The following SPOPL variants were observed in gnomAD, a reference collection of about 807,000 sequenced individuals.
The protein encoded by SPOPL is speckle type BTB/POZ protein like.
Under a neutral mutation model 53.8 loss-of-function variants are expected in SPOPL, and 23 were observed. The ratio of observed to expected loss-of-function variants is 0.43; its 90% CI spans 0.31 to 0.61. The LOEUF (loss-of-function observed/expected upper bound fraction) is 0.61, where lower values mean the gene tolerates loss of function less well. Ranked by LOEUF, SPOPL falls within the 20% of genes least tolerant of loss-of-function variation. The pLI is 0.12. For missense variants in SPOPL, 442 were observed against 466.9 expected (o/e 0.95, Z 0.49); for synonymous variants, 164 against 149.7 (o/e 1.10, Z -0.70).
At chr2:138,534,005 T>C (rs1333678357) in intron 1 of SPOPL, among the ~76,000 whole-genome samples, 2 of 151,962 alleles carry the variant, frequency 1.3e-5, no homozygotes, top group African/African-American at 4.8e-5. Flanking sequence ...ACAGCATGAT[T>C]TTTTTTAACC....
intron 1 of SPOPL, among the ~76,000 whole-genome samples, chr2:138,535,045 G>A (rs1684897360): frequency 6.6e-6 from 1 of 152,142 alleles, no homozygotes; most frequent in Non-Finnish European, 1.5e-5. Context: ...GAGCCCAGGA[G>A]TTCAGGACCA....
intron 1 of SPOPL, among the ~76,000 whole-genome samples, chr2:138,535,214 A>G (rs1684901351): frequency 6.6e-6 from 1 of 152,350 alleles, no homozygotes; most frequent in African/African-American, 2.4e-5. Context: ...CATTTTAAAA[A>G]TTCATTTATT....
At chr2:138,561,260 A>C (rs576346598) in intron 8 of SPOPL, among the ~76,000 whole-genome samples, 3 of 152,162 alleles carry the variant, frequency 2.0e-5, no homozygotes, top group Non-Finnish European at 2.9e-5. Context: ...ATAGTGCATG[A>C]CCTTTTTTAA....
intron 1 of SPOPL, among the ~76,000 whole-genome samples, chr2:138,517,902 G>T (rs2104861409): frequency 6.6e-6 from 1 of 151,962 alleles, no homozygotes; most frequent in South Asian, 2.1e-4. Context: ...ACAAAAATTA[G>T]CTGGGTGTGG....
intron 1 of SPOPL, among the ~76,000 whole-genome samples, chr2:138,513,326 G>A (rs916164997): frequency 7.9e-5 from 12 of 152,292 alleles, no homozygotes; most frequent in East Asian, 5.8e-4. Flanking sequence ...GGCCGAGGCC[G>A]GTGGATCACC....
chr2:138,536,196 A>G (rs1313054925), intron 1 of SPOPL, among the ~76,000 whole-genome samples: 1 of 152,028 alleles, frequency 6.6e-6, no homozygotes. Context: ...CTGTTTTTTC[A>G]TGCCTCGTAA....
At chr2:138,523,164 C>T (rs1684593283) in intron 1 of SPOPL, among the ~76,000 whole-genome samples, 1 of 152,188 alleles carries the variant, frequency 6.6e-6, no homozygotes, top group Non-Finnish European at 1.5e-5. Context: ...TACAGTTCCA[C>T]GTGGCTGGGG....
chr2:138,558,096 G>A (rs575472181), intron 5 of SPOPL, among the ~76,000 whole-genome samples: 90 of 152,166 alleles, frequency 5.9e-4, no homozygotes, highest in South Asian at 8.3e-4. Flanking sequence ...AGGAGGCAGC[G>A]GTTGCAGTGA....
chr2:138,563,785 G>A (rs1352844818), intron 8 of SPOPL, among the ~76,000 whole-genome samples: 1 of 152,118 alleles, frequency 6.6e-6, no homozygotes, highest in Admixed American at 6.5e-5. Context: ...TACCTAAGTG[G>A]AAAGAAAGCA....
intron 1 of SPOPL, among the ~76,000 whole-genome samples, chr2:138,518,265 A>C (rs1684488438): frequency 6.6e-6 from 1 of 152,126 alleles, no homozygotes; most frequent in Non-Finnish European, 1.5e-5. Context: ...GAGAGAACAT[A>C]GTTTTTATTA....
At chr2:138,505,257 G>A (rs1035379292) in intron 1 of SPOPL, among the ~76,000 whole-genome samples, 2 of 152,116 alleles carry the variant, frequency 1.3e-5, no homozygotes, top group South Asian at 4.1e-4. Context: ...TTCATCAAAA[G>A]TCTTATGTCA....
intron 1 of SPOPL, among the ~76,000 whole-genome samples, chr2:138,514,346 G>T (rs946906363): frequency 2.0e-5 from 3 of 152,174 alleles, no homozygotes; most frequent in African/African-American, 7.2e-5. Flanking sequence ...TTTCTGATTT[G>T]CCTCTCAGAA....
Position 138,559,356 on chromosome 2 carries a change from C to A in SPOPL, c.714+19C>A. 1 of 1,594,402 alleles carries A rather than the reference C, an allele frequency of 6.3e-7. No homozygotes were observed. The highest frequency in any genetic ancestry group is 1.8e-5 in the Admixed American group (1 of 56,398). On this transcript the variant is annotated intron_variant, in intron 7 of 10. Coordinates refer to ENST00000280098, the MANE Select transcript of SPOPL (RefSeq NM_001001664.3). ...CAAAAAGGTAAACATGGCTTAAAGG[C>A]TAATATTGAATTTATATAAACGTAA...
intron 1 of SPOPL, among the ~76,000 whole-genome samples, chr2:138,509,158 A>G (rs1160661744): frequency 3.3e-5 from 5 of 152,300 alleles, no homozygotes; most frequent in Admixed American, 3.3e-4. Flanking sequence ...ACGTATATGT[A>G]TATATACCTA....
intron 7 of SPOPL, 109 bp from the exon 8 acceptor site, chr2:138,560,696 T>C (rs1685526290): frequency 1.7e-6 from 2 of 1,206,066 alleles, no homozygotes; most frequent in Non-Finnish European, 1.1e-6. Context: ...AGTTATACAC[T>C]ATTTTAGTGT....
At chr2:138,527,738 G>A (rs1382126258) in intron 1 of SPOPL, among the ~76,000 whole-genome samples, 2 of 152,052 alleles carry the variant, frequency 1.3e-5, no homozygotes, top group South Asian at 4.1e-4. Context: ...TTGGCTTTCC[G>A]TTCATATATT....
rs1236447201 is a variant in SPOPL, at chr2:138,551,074, A to G, written c.352+20A>G. On this transcript the variant is annotated intron_variant, in intron 4 of 10. Coordinates refer to ENST00000280098, the MANE Select transcript of SPOPL (RefSeq NM_001001664.3). ...CAATGGGTAAGTGATTTGCAAACTA[A>G]GTGAAGACATTTCTGTATAACTACA... 1.9e-6 allele frequency: 3 copies of G among 1,611,560 alleles called. No homozygotes were observed. Among genetic ancestry groups the G allele is most frequent in the Middle Eastern group, 3.4e-4 (2 of 5,830 alleles).
intron 1 of SPOPL, among the ~76,000 whole-genome samples, chr2:138,530,754 C>T (rs1157268195): frequency 6.6e-6 from 1 of 152,120 alleles, no homozygotes; most frequent in East Asian, 1.9e-4. Context: ...AGCATGTTAA[C>T]TGTGAATAGT....
chr2:138,530,874 GTCT>G (rs1684790989), intron 1 of SPOPL, among the ~76,000 whole-genome samples: 1 of 151,662 alleles, frequency 6.6e-6, no homozygotes, highest in Non-Finnish European at 1.5e-5. Flanking sequence ...GGTAGTAGTG[GTCT>G]TCTTGCCTCA....
Sources: allele counts gnomAD v4.1 joint callset (sites outside exome capture counted in the v4.1 genomes callset), GRCh38; gene constraint gnomAD v4.1.1; transcripts MANE v1.5; gene names NCBI Gene and HGNC (gene_info 2026-07-23, HGNC 2026-07-21).